ELOVL3: variants seen among roughly 807,000 people sequenced by gnomAD.
ELOVL3 encodes the protein very long chain fatty acid elongase 3.
In ELOVL3, 11 loss-of-function variants were observed where a neutral mutation model predicts 14.9. That is an observed-to-expected ratio of 0.74 (90% CI 0.46 to 1.22). The LOEUF (loss-of-function observed/expected upper bound fraction) is 1.22, where lower values mean the gene tolerates loss of function less well. ELOVL3 is among the 50% of genes most tolerant of loss of function. The probability of loss-of-function intolerance (pLI) is 0.00; values close to 1 mark genes in which losing one functional copy is unlikely to be tolerated. For missense variants in ELOVL3, 277 were observed against 338.9 expected (o/e 0.82, Z 1.43); for synonymous variants, 117 against 124.7 (o/e 0.94, Z 0.41).
At chr10:102,228,750 C>A in intron 3 of ELOVL3, 75 bp from the exon 4 acceptor site, 1 of 1,487,458 alleles carries the variant, frequency 6.7e-7, no homozygotes, top group South Asian at 1.3e-5. Context: ...AGAATTTCTC[C>A]CGTGTCCCTA....
chr10:102,229,168 T>C lies in ELOVL3; in HGVS notation c.729T>C (p.Tyr243=). 6.2e-7 allele frequency: 1 copy of C among 1,614,090 alleles called. No individual in the cohort carries two copies. The highest frequency in any genetic ancestry group is 8.5e-7 in the Non-Finnish European group (1 of 1,180,036). Residue 243 remains tyrosine (Y), a synonymous_variant, in exon 4 of 4, where the codon TAT becomes TAC. Transcript: ENST00000370005. ...MEHLFWSFIL[Y]MTYFILFAHF... ...ACTTATTCTGGTCCTTCATCTTGTATATGACCTATTTCATCCTCTTTGCCC... is the reference window on the plus strand; with the variant it reads ...ACTTATTCTGGTCCTTCATCTTGTACATGACCTATTTCATCCTCTTTGCCC...
At chr10:102,227,514 G>A in intron 1 of ELOVL3, 112 bp from the exon 2 acceptor site, 1 of 1,227,812 alleles carries the variant, frequency 8.1e-7, no homozygotes, top group Non-Finnish European at 1.1e-6. Flanking sequence ...CACATAGCTA[G>A]TAAGTGGCAG....
Position 102,228,893 on chromosome 10 carries a change from G to C in ELOVL3, c.454G>C (p.Val152Leu), listed in dbSNP as rs1375492983. The C allele has an allele frequency of 6.2e-7, 1 of 1,614,172 alleles. No individual in the cohort carries two copies. Reference sequence around the variant, plus strand: ...TATTCACTGGTACCACCACAGCACAGTGCTCGTGTACACAAGCTTTGGATA... The same window carrying C: ...TATTCACTGGTACCACCACAGCACACTGCTCGTGTACACAAGCTTTGGATA... ...IFIHWYHHST[V>L]LVYTSFGYKN... Residue 152 changes from valine (V) to leucine (L), a missense_variant, in exon 4 of 4, where the codon GTG becomes CTG. Transcript: ENST00000370005.
At chr10:102,227,811 A>G (rs1245783905) in intron 2 of ELOVL3, 54 bp downstream of exon 2, 2 of 1,597,150 alleles carry the variant, frequency 1.3e-6, no homozygotes, top group East Asian at 4.5e-5. Context: ...CCACCATTCT[A>G]TCCCTTGAAG....
Position 102,226,440 on chromosome 10 carries a change from C to T in ELOVL3, c.-109C>T, listed in dbSNP as rs540573435. ...CCCTCCTCCCTTTGCCCAGGAGTTC[C>T]TTCTGTCCCGGCTCTGTTCCGTCTC... On this transcript the variant is annotated 5_prime_UTR_variant, in exon 1 of 4. Coordinates refer to ENST00000370005, the MANE Select transcript of ELOVL3 (RefSeq NM_152310.3). 9.7e-5 allele frequency: 71 copies of T among 733,042 alleles called. 2 individuals carry two copies. The South Asian group carries it at 1.2e-3, about 13-fold the overall frequency. The allele number at this position is 733,042 out of a possible 1,614,324, so 45.4% of individuals were successfully genotyped here. A position where few individuals can be genotyped will look rare whatever the true frequency, so the allele number is the denominator to read the frequency against.
At chr10:102,226,799 G>T in intron 1 of ELOVL3, 150 bp downstream of exon 1, 2 of 599,174 alleles carry the variant, frequency 3.3e-6, no homozygotes, top group Non-Finnish European at 5.9e-6. Context: ...CGAGGTGCAG[G>T]TAGTATGTGG....
At chr10:102,225,471 C>T (rs901181769), upstream of ELOVL3, among the ~76,000 whole-genome samples, 2 of 152,188 alleles carry the variant, frequency 1.3e-5, no homozygotes, top group African/African-American at 4.8e-5. Flanking sequence ...ATTTCTCCTT[C>T]GCTTTCATAA....
chr10:102,227,168 A>G (rs2070142807), intron 1 of ELOVL3, among the ~76,000 whole-genome samples: 1 of 152,084 alleles, frequency 6.6e-6, no homozygotes, highest in African/African-American at 2.4e-5. Context: ...GGCTGACTTT[A>G]TGCTCCAACC....
rs779213124 is a variant in ELOVL3 at position 102,226,689 on chromosome 10, G to C, written c.101+40G>C. The C allele has an allele frequency of 1.0e-5, 15 of 1,486,066 alleles. No homozygotes were observed. The South Asian group carries it at 1.5e-4, about 15-fold the overall frequency. The allele number at this position is 1,486,066 out of a possible 1,614,324, so 92.1% of individuals were successfully genotyped here. ...GAGGGAAAGGCCATGCCAGGGCCCC[G>C]GGGCCGGGGCGCGAGGGGGTGGCAT... On this transcript the variant is annotated intron_variant, in intron 1 of 3. Transcript: ENST00000370005.
At chr10:102,227,131 G>A (rs545432267) in intron 1 of ELOVL3, among the ~76,000 whole-genome samples, 136 of 152,236 alleles carry the variant, frequency 8.9e-4, no homozygotes, top group Non-Finnish European at 1.3e-3. Flanking sequence ...CTCTGGCTTT[G>A]CCTTAAAGCT....
upstream of ELOVL3, among the ~76,000 whole-genome samples, chr10:102,226,167 A>G (rs1001335132): frequency 1.3e-5 from 2 of 152,204 alleles, no homozygotes; most frequent in Non-Finnish European, 2.9e-5. Context: ...GCGATGGCCT[A>G]CGACGGGACT....
intron 2 of ELOVL3, 38 bp downstream of exon 2, chr10:102,227,795 C>G: frequency 1.2e-6 from 2 of 1,608,144 alleles, no homozygotes; most frequent in South Asian, 2.2e-5. Context: ...TTCTCTAGAT[C>G]TTAGACCACC....
chr10:102,229,180 C>T lies in ELOVL3; in HGVS notation c.741C>T (p.Phe247=), dbSNP rs1320039036. ...FWSFILYMTY[F]ILFAHFFCQT... Reference sequence around the variant, plus strand: ...CCTTCATCTTGTATATGACCTATTTCATCCTCTTTGCCCACTTCTTCTGCC... The same window carrying T: ...CCTTCATCTTGTATATGACCTATTTTATCCTCTTTGCCCACTTCTTCTGCC... The change falls in exon 4 of 4, where the codon TTC becomes TTT. Residue 247 remains phenylalanine, a synonymous_variant. Coordinates refer to ENST00000370005, the MANE Select transcript of ELOVL3 (RefSeq NM_152310.3). The T allele has an allele frequency of 1.2e-6, 2 of 1,613,978 alleles. No individual in the cohort carries two copies. The highest frequency in any genetic ancestry group is 2.7e-5 in the African/African-American group (2 of 74,932).
chr10:102,225,254 A>G (rs1459042949), upstream of ELOVL3, among the ~76,000 whole-genome samples: 2 of 152,194 alleles, frequency 1.3e-5, no homozygotes, highest in Non-Finnish European at 2.9e-5. Flanking sequence ...CTTAGATGGC[A>G]CTGATAGGAC....
chr10:102,227,713 G>A lies in ELOVL3; in HGVS notation c.189G>A (p.Leu63=), dbSNP rs749786533. 11 of 1,613,764 alleles carry A rather than the reference G, an allele frequency of 6.8e-6. No homozygotes were observed. Among genetic ancestry groups the A allele is most frequent in the Non-Finnish European group, 8.5e-6 (10 of 1,179,910 alleles). ...TGAAGGAACGCAAGGGCTTCAACCT[G>A]CAAGGGCCTCTCATCCTCTGGTCCT... ...NYMKERKGFN[L]QGPLILWSFC... is the part of the protein sequence containing the mutation. Residue 63 remains leucine, a synonymous_variant, in exon 2 of 4, where the codon CTG becomes CTA. Coordinates refer to ENST00000370005, the MANE Select transcript of ELOVL3 (RefSeq NM_152310.3).
chr10:102,229,407 A>C lies in ELOVL3; in HGVS notation c.*155A>C. On this transcript the variant is annotated 3_prime_UTR_variant, in exon 4 of 4. Transcript: ENST00000370005. ...TGGCTGGAATTTTTGACAGACAAGA[A>C]GGGTGACCTTGGGATGGGGGTGTGG... 1.4e-6 allele frequency: 1 copy of C among 692,686 alleles called. No individual in the cohort carries two copies. Among genetic ancestry groups the C allele is most frequent in the Non-Finnish European group, 2.4e-6 (1 of 422,584 alleles). 42.9% of individuals were successfully genotyped at this position (692,686 alleles called of 1,614,324 possible).
In ELOVL3 at chr10:102,228,821, C is replaced by T. The variant is rs373092158; in HGVS notation, c.386-4C>T. 2.2e-5 allele frequency: 36 copies of T among 1,603,776 alleles called. No individual in the cohort carries two copies. The African/African-American group carries it at 4.5e-4, about 20-fold the overall frequency. Reference sequence around the variant, plus strand: ...TATGCCAACTATGACTCTCCATCTCCCAGGAGACACAGCCTTCATCATCCT... The same window carrying T: ...TATGCCAACTATGACTCTCCATCTCTCAGGAGACACAGCCTTCATCATCCT... On this transcript the variant is annotated splice_region_variant and splice_polypyrimidine_tract_variant and intron_variant, in intron 3 of 3. Transcript: ENST00000370005.
chr10:102,228,630 C>A (rs954586593), intron 3 of ELOVL3, 62 bp downstream of exon 3: 29 of 1,584,034 alleles, frequency 1.8e-5, no homozygotes, highest in Non-Finnish European at 2.3e-5. Flanking sequence ...CAGGGCCCTC[C>A]CTTCACCCAT....
Position 102,229,280 on chromosome 10 carries a change from G to A in ELOVL3, c.*28G>A. The A allele has an allele frequency of 1.9e-6, 3 of 1,573,400 alleles. No individual in the cohort carries two copies. The highest frequency in any genetic ancestry group is 2.6e-6 in the Non-Finnish European group (3 of 1,157,312). ...GTTTGGAGAGAACAATGAAGCTCCA[G>A]GCTCTCTCTTCTCCAGGGCACCAAG... On this transcript the variant is annotated 3_prime_UTR_variant, in exon 4 of 4. Transcript: ENST00000370005.
Sources: allele counts gnomAD v4.1 joint callset (sites outside exome capture counted in the v4.1 genomes callset), GRCh38; gene constraint gnomAD v4.1.1; transcripts MANE v1.5; gene names NCBI Gene and HGNC (gene_info 2026-07-23, HGNC 2026-07-21).